The following BPIFB4 variants were observed in gnomAD, a reference collection of about 807,000 sequenced individuals.
BPIFB4 encodes BPI fold-containing family B member 4.
A neutral mutation model predicts 69.2 loss-of-function variants in BPIFB4; 62 were observed. The observed-to-expected ratio is 0.90, with a 90% CI of 0.73 to 1.11. The LOEUF is 1.11. Ranked by LOEUF, BPIFB4 falls within the 50% of genes least tolerant of loss-of-function variation. The pLI is 0.00. For synonymous variants in BPIFB4, 330 were observed against 332.7 expected, an observed-to-expected ratio of 0.99 and a Z score of 0.09; for missense variants, 789 against 792.0, an observed-to-expected ratio of 1.00 and a Z score of 0.04.
chr20:33,105,942 G>C (rs1178173194), intron 16 of BPIFB4, among the ~76,000 whole-genome samples: 1 of 152,152 alleles, frequency 6.6e-6, no homozygotes, highest in Non-Finnish European at 1.5e-5. Context: ...CAAAATGAGA[G>C]CTTGGACAAG....
At position 33,084,668 on chromosome 20, in the gene BPIFB4, G is replaced by A. The variant is rs140405336; in HGVS notation, c.678-224G>A. 5.7e-4 allele frequency among the ~76,000 whole-genome samples: 87 copies of A among 152,288 alleles called. 1 individual carries two copies. Among genetic ancestry groups the A allele is most frequent in the African/African-American group, 2.0e-3 (82 of 41,560 alleles). ...CAGAAAAGATTCAAAGGAAATATAC[G>A]GAATGCACACAGTGGGCCTCTGGGC... On this transcript the variant is annotated intron_variant, in intron 5 of 17. Transcript: ENST00000375483.
chr20:33,092,463 G>C lies in BPIFB4; in HGVS notation c.1149G>C (p.Leu383=). Residue 383 remains leucine (L), a synonymous_variant, in exon 11 of 18, where the codon CTG becomes CTC. Coordinates refer to ENST00000375483, the MANE Select transcript of BPIFB4 (RefSeq NM_182519.3). The part of the protein sequence containing the change: ...GEFLELDLNT[L]VGEAGGGLID... Reference sequence around the variant, plus strand: ...TTTCTTCTCTTCTCCCCCAGACGCTGGTTGGGGAGGCTGGAGGAGGACTCA... The same window carrying C: ...TTTCTTCTCTTCTCCCCCAGACGCTCGTTGGGGAGGCTGGAGGAGGACTCA... The C allele has an allele frequency of 1.2e-6, 2 of 1,613,066 alleles. No individual in the cohort carries two copies. The highest frequency in any genetic ancestry group is 2.2e-5 in the East Asian group (1 of 44,840).
rs149487145 is a variant in BPIFB4, at chr20:33,102,978, C to T, written c.1644C>T (p.Ser548=). ...CTGTTTTCTTCGTCTACAGGACCAG[C>T]CTCAACCTCAGAACCTCAAACGTGG... ...LMIDAKLEKT[S]LNLRTSNVGN... The change falls in exon 15 of 18, where the codon AGC becomes AGT. Residue 548 remains serine (S), a synonymous_variant. Transcript: ENST00000375483. 3.1e-3 allele frequency: 4,928 copies of T among 1,614,046 alleles called. 83 individuals are homozygous for T. The highest frequency in any genetic ancestry group is 1.5e-3 in the Non-Finnish European group (1,717 of 1,179,928).
At chr20:33,089,429 G>A in intron 8 of BPIFB4, 69 bp from the exon 9 acceptor site, 1 of 1,609,626 alleles carries the variant, frequency 6.2e-7, no homozygotes, top group Non-Finnish European at 8.5e-7. Flanking sequence ...CGTTACTCTT[G>A]CGTCCCCGAC....
intron 6 of BPIFB4, among the ~76,000 whole-genome samples, chr20:33,085,415 A>G (rs1466208620): frequency 1.3e-5 from 2 of 152,186 alleles, no homozygotes; most frequent in Non-Finnish European, 2.9e-5. Context: ...AGATCGTGCC[A>G]CTGCACTCCA....
intron 17 of BPIFB4, among the ~76,000 whole-genome samples, chr20:33,110,946 G>C (rs745513272): frequency 6.6e-6 from 1 of 151,472 alleles, no homozygotes; most frequent in Non-Finnish European, 1.5e-5. Context: ...CTCCCAAGTA[G>C]CTGGAATTAC....
intron 12 of BPIFB4, 93 bp from the exon 13 acceptor site, chr20:33,097,524 C>G: frequency 2.2e-6 from 3 of 1,345,106 alleles, no homozygotes; most frequent in Non-Finnish European, 3.1e-6. Context: ...CAACATGAGA[C>G]CCCGGTGCTC....
At chr20:33,111,270 G>C (rs535994143) in intron 17 of BPIFB4, 144 bp from the exon 18 acceptor site, 30 of 1,005,900 alleles carry the variant, frequency 3.0e-5, no homozygotes, top group South Asian at 4.4e-5. Flanking sequence ...GGTGCTCCTC[G>C]GGCCTGCATG....
intron 16 of BPIFB4, among the ~76,000 whole-genome samples, chr20:33,107,024 T>C (rs1982078256): frequency 6.6e-6 from 1 of 151,756 alleles, no homozygotes; most frequent in Admixed American, 6.6e-5. Flanking sequence ...ACCAATATGG[T>C]GAAACCCCAT....
intron 17 of BPIFB4, among the ~76,000 whole-genome samples, chr20:33,109,495 G>A (rs1047438090): frequency 6.6e-6 from 1 of 152,084 alleles, no homozygotes; most frequent in Non-Finnish European, 1.5e-5. Flanking sequence ...CCCAGCTGGT[G>A]AGAATTAGAG....
chr20:33,083,631 G>A lies in BPIFB4; in HGVS notation c.434G>A (p.Gly145Asp). 1 of 1,614,098 alleles carries A rather than the reference G, an allele frequency of 6.2e-7. No homozygotes were observed. Among genetic ancestry groups the A allele is most frequent in the African/African-American group, 1.3e-5 (1 of 75,004 alleles). The change falls in exon 5 of 18, where the codon GGC becomes GAC. Residue 145 changes from glycine (G) to aspartate (D), a missense_variant. By Grantham distance (94) the Gly-to-Asp change is moderately conservative (BLOSUM62 -1). This residue lies in a region of BPIFB4 where 611 missense variants were observed against 575.4 expected (regional missense o/e 1.06). Transcript: ENST00000375483. The part of the protein sequence containing the change: ...GLGRYRAAPV[G>D]RLHRRELQPG... ...GGGCGATACAGGGCAGCACCTGTGG[G>A]CAGGCTTCACCGGCGAGAGCTGCAG...
At chr20:33,096,993 G>C (rs1981773893) in intron 12 of BPIFB4, among the ~76,000 whole-genome samples, 1 of 152,142 alleles carries the variant, frequency 6.6e-6, no homozygotes, top group South Asian at 2.1e-4. Flanking sequence ...AGCTTTCAGG[G>C]AATCAAACTG....
intron 17 of BPIFB4, among the ~76,000 whole-genome samples, chr20:33,108,326 G>A (rs1288201172): frequency 1.3e-5 from 2 of 151,142 alleles, no homozygotes; most frequent in African/African-American, 2.4e-5. Flanking sequence ...ACATGCAGGG[G>A]TTCTTGTTTC....
At chr20:33,081,474 G>A (rs935681030) in intron 2 of BPIFB4, 38 bp from the exon 3 acceptor site, 27 of 1,545,106 alleles carry the variant, frequency 1.7e-5, no homozygotes, top group African/African-American at 5.5e-5. Flanking sequence ...GGGTGGTGGC[G>A]CCCAGCCACA....
At chr20:33,083,220 G>A (rs112470739) in intron 4 of BPIFB4, 147 bp from the exon 5 acceptor site, 54,405 of 669,068 alleles carry the variant, frequency 0.081, 2,649 homozygotes, top group Middle Eastern at 0.1. Flanking sequence ...GGGTTGCTGG[G>A]TGGCAGTGGT....
At chr20:33,087,466 G>T (rs1316321311) in intron 7 of BPIFB4, among the ~76,000 whole-genome samples, 1 of 152,020 alleles carries the variant, frequency 6.6e-6, no homozygotes, top group African/African-American at 2.4e-5. Flanking sequence ...CAAACATCGA[G>T]AGCTTCCTTG....
At chr20:33,081,393 T>C (rs1238429454) in intron 2 of BPIFB4, 119 bp from the exon 3 acceptor site, 1 of 1,447,920 alleles carries the variant, frequency 6.9e-7, no homozygotes, top group African/African-American at 1.4e-5. Flanking sequence ...TTGGCTGGTT[T>C]CCCCTCTCTC....
intron 12 of BPIFB4, among the ~76,000 whole-genome samples, chr20:33,096,919 G>A (rs1328636521): frequency 6.6e-6 from 1 of 152,190 alleles, no homozygotes; most frequent in African/African-American, 2.4e-5. Flanking sequence ...ATGTATTTTT[G>A]GTAAGTCAAT....
chr20:33,106,854 G>C (rs1982073438), intron 16 of BPIFB4, among the ~76,000 whole-genome samples: 1 of 152,156 alleles, frequency 6.6e-6, no homozygotes, highest in Non-Finnish European at 1.5e-5. Context: ...GGATGCTAGG[G>C]TGAGAGAATG....
Sources: allele counts gnomAD v4.1 joint callset (sites outside exome capture counted in the v4.1 genomes callset), GRCh38; gene constraint gnomAD v4.1.1; regional missense constraint gnomAD v4.1.1; transcripts MANE v1.5; gene names NCBI Gene and HGNC (gene_info 2026-07-23, HGNC 2026-07-21).